The following RANBP2 variants were observed in gnomAD, a reference collection of about 807,000 sequenced individuals.
RANBP2 encodes E3 SUMO-protein ligase RanBP2.
RANBP2 carries 57 observed loss-of-function variants against 303.6 expected under a neutral mutation model. The observed-to-expected ratio is 0.19, with a 90% CI of 0.15 to 0.23. RANBP2 has a LOEUF of 0.23. Ranked by LOEUF, RANBP2 falls within the 10% of genes least tolerant of loss-of-function variation. RANBP2 has a pLI of 1.00. For synonymous variants in RANBP2, 1,167 were observed against 1,301.5 expected (o/e 0.90, Z 2.23); for missense variants, 3,138 against 3,780.8 (o/e 0.83, Z 4.46).
At chr2:109,728,554 C>A in the RANBP2 span, among the ~76,000 whole-genome samples, 25,862 of 151,298 alleles carry the variant, frequency 0.17, 2,789 homozygotes, top group East Asian at 0.3. Context: ...CTCCTGGGTT[C>A]AAGCGATTCT....
At chr2:108,737,905 G>A (rs1295069825) in intron 6 of RANBP2, among the ~76,000 whole-genome samples, 11 of 151,746 alleles carry the variant, frequency 7.2e-5, no homozygotes, top group African/African-American at 2.4e-4. Flanking sequence ...TAGTAGAGAC[G>A]GGGTTTCACC....
At chr2:109,794,755 G>GCGCTT in the RANBP2 span, 1 of 354,586 alleles carries the variant, frequency 2.8e-6, no homozygotes, top group Non-Finnish European at 3.2e-6. Flanking sequence ...GAAGAGTCCT[G>GCGCTT]GGGGGACCGC....
the RANBP2 span, chr2:108,896,966 C>T: frequency 6.2e-7 from 1 of 1,613,726 alleles, no homozygotes; most frequent in East Asian, 2.2e-5. Context: ...TCCAGTATGT[C>T]TGCACACAAG....
the RANBP2 span, among the ~76,000 whole-genome samples, chr2:109,559,997 C>T: frequency 0.044 from 6,650 of 150,072 alleles, 447 homozygotes; most frequent in African/African-American, 0.15. Flanking sequence ...CTTGGCTCAC[C>T]GCAAGCTCTG....
chr2:109,499,038 C>CT, the RANBP2 span, among the ~76,000 whole-genome samples: 1 of 152,152 alleles, frequency 6.6e-6, no homozygotes, highest in Non-Finnish European at 1.5e-5. Flanking sequence ...GGGATGGGGA[C>CT]TGCTGGAGCC....
At chr2:109,392,642 C>A in the RANBP2 span, among the ~76,000 whole-genome samples, 3 of 152,228 alleles carry the variant, frequency 2.0e-5, no homozygotes, top group South Asian at 6.2e-4. Flanking sequence ...CCTCAGCCTC[C>A]GGAGTAGCTG....
At chr2:109,493,262 C>T in the RANBP2 span, among the ~76,000 whole-genome samples, 22 of 149,802 alleles carry the variant, frequency 1.5e-4, no homozygotes, top group Non-Finnish European at 3.1e-4. Context: ...ACACTGCAAA[C>T]ACACACCCCA....
chr2:109,615,096 C>T, the RANBP2 span: 1 of 1,549,740 alleles, frequency 6.5e-7, no homozygotes, highest in East Asian at 2.4e-5. Context: ...GCCGGCCCGC[C>T]AGAACCTCCG....
the RANBP2 span, among the ~76,000 whole-genome samples, chr2:109,657,682 G>T: frequency 6.7e-6 from 1 of 149,864 alleles, no homozygotes; most frequent in South Asian, 2.1e-4. Flanking sequence ...AAACTGAACC[G>T]ATGGAAAGCT....
the RANBP2 span, chr2:109,544,810 G>A: frequency 1.3e-6 from 1 of 750,270 alleles, no homozygotes; most frequent in Non-Finnish European, 1.6e-6. Flanking sequence ...TGCCTACTAT[G>A]TACCAGACAA....
the RANBP2 span, among the ~76,000 whole-genome samples, chr2:109,194,327 G>T: frequency 6.6e-6 from 1 of 152,236 alleles, no homozygotes; most frequent in South Asian, 2.1e-4. Context: ...TTGGGCTGCG[G>T]TGTCCCCAGC....
the RANBP2 span, among the ~76,000 whole-genome samples, chr2:108,797,161 A>G: frequency 2.0e-5 from 3 of 152,162 alleles, no homozygotes; most frequent in Admixed American, 6.5e-5. Context: ...TTAAGCAGAA[A>G]GGGTATAAGG....
At chr2:109,381,918 A>G in the RANBP2 span, among the ~76,000 whole-genome samples, 9 of 152,122 alleles carry the variant, frequency 5.9e-5, no homozygotes, top group African/African-American at 1.9e-4. Context: ...TACGTAACAC[A>G]CATCTCATGT....
the RANBP2 span, among the ~76,000 whole-genome samples, chr2:109,103,733 A>G: frequency 1.3e-5 from 2 of 152,068 alleles, no homozygotes; most frequent in Non-Finnish European, 2.9e-5. Flanking sequence ...TCTCTTCAGG[A>G]CTGCGAGGGC....
At chr2:108,802,973 A>G in the RANBP2 span, among the ~76,000 whole-genome samples, 1 of 152,176 alleles carries the variant, frequency 6.6e-6, no homozygotes. Flanking sequence ...CATCCCAGGG[A>G]TGAAGCCCAC....
At chr2:109,394,422 G>A in the RANBP2 span, among the ~76,000 whole-genome samples, 2 of 152,278 alleles carry the variant, frequency 1.3e-5, no homozygotes, top group East Asian at 1.9e-4. Context: ...GTTCCCAAGA[G>A]CATCGGACTA....
the RANBP2 span, among the ~76,000 whole-genome samples, chr2:109,739,552 C>G: frequency 6.6e-6 from 1 of 152,144 alleles, no homozygotes; most frequent in African/African-American, 2.4e-5. Context: ...AGAAATGCTA[C>G]TGATTTTTGT....
At chr2:108,988,063 G>T in the RANBP2 span, among the ~76,000 whole-genome samples, 2 of 152,238 alleles carry the variant, frequency 1.3e-5, no homozygotes, top group African/African-American at 4.8e-5. Context: ...GAAGAGGACG[G>T]TGGTGCTCCT....
chr2:108,759,991 A>G (rs1049870899), intron 18 of RANBP2, among the ~76,000 whole-genome samples: 2 of 152,204 alleles, frequency 1.3e-5, no homozygotes, highest in African/African-American at 4.8e-5. Flanking sequence ...GAGACTCCAA[A>G]TGGATTATTT....
Sources: gnomAD v4.1 joint callset for allele counts (sites outside exome capture counted in the v4.1 genomes callset) on GRCh38, gnomAD v4.1.1 for gene constraint, MANE v1.5 for transcripts, NCBI Gene and HGNC (gene_info 2026-07-23, HGNC 2026-07-21) for gene names.